The following WFDC1 variants were observed in gnomAD, a reference collection of about 807,000 sequenced individuals.
WFDC1 encodes the protein WAP four-disulfide core domain protein 1.
In WFDC1, 39 loss-of-function variants were observed where a neutral mutation model predicts 32.9. That is an observed-to-expected ratio of 1.19 (90% confidence interval 0.92 to 1.55). WFDC1 has a LOEUF of 1.55. Among genes scored for constraint, WFDC1 ranks in the 40% most tolerant of loss-of-function variants. WFDC1 has a pLI of 0.00. For synonymous variants in WFDC1, 184 were observed against 137.4 expected (o/e 1.34, Z -2.37); for missense variants, 386 against 309.5 (o/e 1.25, Z -1.85).
chr16:84,318,772 G>C (rs1473194996), intron 3 of WFDC1: 1 of 223,276 alleles, frequency 4.5e-6, no homozygotes, highest in Non-Finnish European at 9.3e-6. Context: ...AGGCCTAGGA[G>C]GTGCGAGCGG....
rs767814283 is a variant in WFDC1, at chr16:84,319,502, C to G, written c.493C>G (p.Leu165Val). 1.9e-6 allele frequency: 3 copies of G among 1,612,988 alleles called. No individual in the cohort carries two copies. The highest frequency in any genetic ancestry group is 2.2e-5 in the South Asian group (2 of 91,078). The change falls in exon 4 of 7, where the codon CTG becomes GTG. Residue 165 changes from leucine to valine, a missense_variant. By Grantham distance (32) the Leu-to-Val change is conservative. Coordinates refer to ENST00000219454, the MANE Select transcript of WFDC1 (RefSeq NM_021197.4). ...LCPSGYECHI[L>V]SPGDVAEGIP... ...TCCCTCGGGCTATGAGTGCCACATC[C>G]TGAGCCCAGGTGACGTGGCCGAAGG...
chr16:84,303,636 T>G (rs1169735813), intron 1 of WFDC1, among the ~76,000 whole-genome samples: 1 of 152,228 alleles, frequency 6.6e-6, no homozygotes, highest in East Asian at 1.9e-4. Context: ...CTCTTAGTGG[T>G]ATTTTATTCG....
chr16:84,298,723 G>T (rs539802139), intron 1 of WFDC1, among the ~76,000 whole-genome samples: 223 of 152,306 alleles, frequency 1.5e-3, no homozygotes, highest in Non-Finnish European at 2.8e-3. Flanking sequence ...GTAGCGGACT[G>T]GTCTCTTAGA....
chr16:84,319,047 C>A, intron 3 of WFDC1: 1 of 256,224 alleles, frequency 3.9e-6, no homozygotes. Flanking sequence ...GGGATGCGTG[C>A]GTATATGTCT....
At chr16:84,307,196 T>G (rs1359742814) in intron 1 of WFDC1, among the ~76,000 whole-genome samples, 1 of 152,140 alleles carries the variant, frequency 6.6e-6, no homozygotes, top group Non-Finnish European at 1.5e-5. Context: ...GCCAAGAACC[T>G]TGGCTGTTAA....
At chr16:84,327,920 T>C (rs3785055) in intron 6 of WFDC1, 28,446 of 152,206 alleles carry the variant, frequency 0.19, 2,753 homozygotes, top group African/African-American at 0.24. Context: ...CACATCCTGG[T>C]AGGGGACGGC....
chr16:84,306,093 T>C (rs1456599228), intron 1 of WFDC1, among the ~76,000 whole-genome samples: 1 of 152,092 alleles, frequency 6.6e-6, no homozygotes, highest in Non-Finnish European at 1.5e-5. Flanking sequence ...TTGCCCGTGC[T>C]GAGCCGAGCA....
At chr16:84,324,583 T>C in intron 5 of WFDC1, 123 bp downstream of exon 5, 1 of 1,112,314 alleles carries the variant, frequency 9.0e-7, no homozygotes, top group South Asian at 1.5e-5. Flanking sequence ...GGACCTGGGA[T>C]TAAGAAACAA....
At chr16:84,298,783 A>G (rs1906759715) in intron 1 of WFDC1, among the ~76,000 whole-genome samples, 1 of 152,198 alleles carries the variant, frequency 6.6e-6, no homozygotes, top group South Asian at 2.1e-4. Context: ...TGGTCTAAGC[A>G]TGCAGAGACA....
chr16:84,309,452 C>G (rs534686338), intron 1 of WFDC1, among the ~76,000 whole-genome samples: 1 of 151,618 alleles, frequency 6.6e-6, no homozygotes, highest in Admixed American at 6.6e-5. Flanking sequence ...TTGGAGGCAT[C>G]GAGGCCAGGG....
In WFDC1 at chr16:84,326,800, T is replaced by C. The variant is rs1908627123; in HGVS notation, c.605-82T>C. ...AGAGGGCCAGGTCACCAGGCTTCAT[T>C]TGGCAGTTCCTGGTGAGCCACGGGG... On this transcript the variant is annotated intron_variant, in intron 5 of 6. Coordinates refer to ENST00000219454, the MANE Select transcript of WFDC1 (RefSeq NM_021197.4). The C allele has an allele frequency of 1.9e-6, 3 of 1,555,102 alleles. No individual in the cohort carries two copies. In the South Asian group the frequency reaches 3.4e-5, roughly 17 times the overall value.
intron 4 of WFDC1, among the ~76,000 whole-genome samples, chr16:84,323,899 T>G (rs570408211): frequency 6.6e-6 from 1 of 152,358 alleles, no homozygotes; most frequent in South Asian, 2.1e-4. Flanking sequence ...GGTGGGTGAA[T>G]CACCTGAGGT....
At chr16:84,324,309 A>C in intron 4 of WFDC1, 110 bp from the exon 5 acceptor site, 1 of 926,772 alleles carries the variant, frequency 1.1e-6, no homozygotes, top group Admixed American at 2.0e-5. Flanking sequence ...ATTGTACACT[A>C]GTGAGATGGG....
intron 1 of WFDC1, among the ~76,000 whole-genome samples, chr16:84,308,417 T>C (rs951475083): frequency 6.6e-6 from 1 of 152,202 alleles, no homozygotes; most frequent in African/African-American, 2.4e-5. Context: ...AGACACAGCC[T>C]CTGCTCTCAG....
At position 84,297,687 on chromosome 16, in the gene WFDC1, C is replaced by T. The variant is rs12443886; in HGVS notation, c.144+2572C>T. 3.3e-5 allele frequency among the ~76,000 whole-genome samples: 5 copies of T among 149,356 alleles called. No homozygotes were observed. The East Asian group carries it at 6.0e-4, about 18-fold the overall frequency. ...AAGCCCTGGGCGAAGACAGGCTGTT[C>T]GCCTGTGGCTCAGAGGACAGGGAGG... On this transcript the variant is annotated intron_variant, in intron 1 of 6. Coordinates refer to ENST00000219454, the MANE Select transcript of WFDC1 (RefSeq NM_021197.4).
chr16:84,312,252 C>T (rs1007312222), intron 1 of WFDC1, among the ~76,000 whole-genome samples: 4 of 152,152 alleles, frequency 2.6e-5, no homozygotes, highest in Non-Finnish European at 5.9e-5. Context: ...ACAAAATAAA[C>T]ACACCATGTA....
At chr16:84,307,672 C>T (rs907160621) in intron 1 of WFDC1, among the ~76,000 whole-genome samples, 3 of 152,114 alleles carry the variant, frequency 2.0e-5, no homozygotes, top group Non-Finnish European at 2.9e-5. Flanking sequence ...GAGGCTTCAT[C>T]GAAAAATAAG....
At chr16:84,315,480 C>G (rs774182957) in intron 2 of WFDC1, among the ~76,000 whole-genome samples, 2 of 152,218 alleles carry the variant, frequency 1.3e-5, no homozygotes, top group African/African-American at 4.8e-5. Context: ...TAAATATTCA[C>G]TCATTCATTC....
intron 1 of WFDC1, 186 bp downstream of exon 1, chr16:84,295,301 A>T (rs1906528725): frequency 1.5e-6 from 1 of 648,598 alleles, no homozygotes; most frequent in Non-Finnish European, 2.5e-6. Flanking sequence ...CCAAAAAAGG[A>T]CCCTTATCTG....
Sources: allele counts gnomAD v4.1 joint callset (sites outside exome capture counted in the v4.1 genomes callset), GRCh38; gene constraint gnomAD v4.1.1; transcripts MANE v1.5; gene names NCBI Gene and HGNC (gene_info 2026-07-23, HGNC 2026-07-21).